The following CUEDC1 variants were observed in gnomAD, a reference collection of about 807,000 sequenced individuals.
CUEDC1 encodes CUE domain containing 1.
In CUEDC1, 30 loss-of-function variants were observed where a neutral mutation model predicts 43.7. That is an observed-to-expected ratio of 0.69 (90% CI 0.51 to 0.93). CUEDC1 has a LOEUF of 0.93. CUEDC1 is among the 40% of genes least tolerant of loss of function. The pLI is 0.00. For missense variants in CUEDC1, 486 were observed against 549.0 expected (o/e 0.89, Z 1.15); for synonymous variants, 223 against 223.6 (o/e 1.00, Z 0.02).
intron 9 of CUEDC1, chr17:57,866,762 A>G (rs1174160736): frequency 1.8e-6 from 1 of 555,550 alleles, no homozygotes; most frequent in East Asian, 3.0e-5. Flanking sequence ...GAGACCTTGG[A>G]CAAGTTCTCC....
chr17:57,940,016 G>C (rs931634020), intron 1 of CUEDC1, among the ~76,000 whole-genome samples: 1 of 151,676 alleles, frequency 6.6e-6, no homozygotes, highest in Non-Finnish European at 1.5e-5. Flanking sequence ...CAAATAGCTC[G>C]AGCTGGTTTC....
At chr17:57,939,157 G>A (rs1288914597) in intron 1 of CUEDC1, among the ~76,000 whole-genome samples, 3 of 151,738 alleles carry the variant, frequency 2.0e-5, no homozygotes, top group African/African-American at 7.3e-5. Flanking sequence ...AGTAGAGACG[G>A]GCTTTCACCT....
intron 2 of CUEDC1, among the ~76,000 whole-genome samples, chr17:57,881,173 C>T (rs2074199362): frequency 6.6e-6 from 1 of 151,920 alleles, no homozygotes; most frequent in Admixed American, 6.5e-5. Flanking sequence ...CATGTGAGCA[C>T]ACATACACAC....
chr17:57,915,922 G>A (rs540881034), intron 1 of CUEDC1, among the ~76,000 whole-genome samples: 21 of 152,306 alleles, frequency 1.4e-4, no homozygotes, highest in Admixed American at 7.8e-4. Context: ...CAACTCACCC[G>A]TTTGAATCAA....
intron 1 of CUEDC1, among the ~76,000 whole-genome samples, chr17:57,922,088 G>C (rs940367993): frequency 7.2e-5 from 11 of 152,138 alleles, no homozygotes; most frequent in Non-Finnish European, 1.3e-4. Context: ...ACTCCAGCCT[G>C]GGCAATAGAG....
intron 5 of CUEDC1, 84 bp downstream of exon 5, chr17:57,872,579 T>C: frequency 6.8e-7 from 1 of 1,478,884 alleles, no homozygotes; most frequent in Admixed American, 2.0e-5. Flanking sequence ...AGCCCCCAGC[T>C]CAGTGTTTTC....
Position 57,869,156 on chromosome 17 carries a change from G to C in CUEDC1, c.906C>G (p.Ala302=). ...TGTGTTTCAGCTTGTCCCTGAATAA[G>C]GCATCTTCAGACACAGCGGGGTTGG... The part of the protein sequence containing the change: ...GDANPAVSED[A]LFRDKLKHMG... The change falls in exon 7 of 11, where the codon GCC becomes GCG. Residue 302 remains alanine (A), a synonymous_variant. Coordinates refer to ENST00000577830, the MANE Select transcript of CUEDC1 (RefSeq NM_001271875.2). The C allele has an allele frequency of 6.2e-7, 1 of 1,614,134 alleles. No homozygotes were observed. The highest frequency in any genetic ancestry group is 2.2e-5 in the East Asian group (1 of 44,880).
intron 1 of CUEDC1, among the ~76,000 whole-genome samples, chr17:57,931,357 CCATT>C (rs1323066034): frequency 1.3e-5 from 2 of 152,136 alleles, no homozygotes; most frequent in Non-Finnish European, 1.5e-5. Context: ...CCCAGATCTC[CCATT>C]CATTCCGGGC....
chr17:57,887,493 T>TA (rs947299165), intron 1 of CUEDC1, among the ~76,000 whole-genome samples: 2 of 129,974 alleles, frequency 1.5e-5, no homozygotes, highest in African/African-American at 2.8e-5. Flanking sequence ...TAACAGCTGA[T>TA]ACAGAAATTT....
At position 57,879,658 on chromosome 17, in the gene CUEDC1, G is replaced by C. The variant is rs144238101; in HGVS notation, c.417C>G (p.His139Gln). ...PVYSPPAYHMHVFDRPYPLAP... is the reference protein window; with the variant it reads ...PVYSPPAYHMQVFDRPYPLAP... The stretch of plus-strand genomic sequence containing the variant: ...CCAGAGGGTAGGGCCGGTCGAACAC[G>C]TGCATGTGGTAGGCTGGCGGGGAGT... Residue 139 changes from histidine to glutamine, a missense_variant, in exon 3 of 11, where the codon CAC (histidine) becomes CAG (glutamine). Transcript: ENST00000577830. 1.9e-6 allele frequency: 3 copies of C among 1,604,532 alleles called. No homozygotes were observed. The highest frequency in any genetic ancestry group is 4.6e-5 in the East Asian group (2 of 43,758).
chr17:57,885,133 T>G, intron 2 of CUEDC1, 96 bp downstream of exon 2: 2 of 1,470,148 alleles, frequency 1.4e-6, no homozygotes, highest in Non-Finnish European at 1.8e-6. Context: ...CTCTTAGAGG[T>G]TCCAGTGGTG....
chr17:57,938,372 C>T (rs1229109275), intron 1 of CUEDC1, among the ~76,000 whole-genome samples: 1 of 152,184 alleles, frequency 6.6e-6, no homozygotes, highest in Non-Finnish European at 1.5e-5. Flanking sequence ...CTGACTACTC[C>T]CTCCCATCCC....
At chr17:57,944,173 A>G (rs1449017452) in intron 1 of CUEDC1, among the ~76,000 whole-genome samples, 4 of 150,512 alleles carry the variant, frequency 2.7e-5, no homozygotes, top group Admixed American at 1.3e-4. Context: ...CATGCAATAA[A>G]TGTTAGTTAT....
At chr17:57,878,414 G>T (rs575334853) in intron 3 of CUEDC1, among the ~76,000 whole-genome samples, 146 of 152,256 alleles carry the variant, frequency 9.6e-4, no homozygotes, top group African/African-American at 3.3e-3. Flanking sequence ...TATGATAACA[G>T]AGTTCACCAC....
chr17:57,946,072 A>C (rs1186535349), intron 1 of CUEDC1, among the ~76,000 whole-genome samples: 1 of 152,112 alleles, frequency 6.6e-6, no homozygotes, highest in Non-Finnish European at 1.5e-5. Context: ...GGAAACTAAG[A>C]CTCAGAGAGA....
chr17:57,927,522 A>G (rs2074760358), intron 1 of CUEDC1, among the ~76,000 whole-genome samples: 1 of 152,206 alleles, frequency 6.6e-6, no homozygotes, highest in Non-Finnish European at 1.5e-5. Context: ...CTCCCAAGGC[A>G]GGGCTCTCCA....
In CUEDC1 at chr17:57,875,569, G is replaced by A. The variant is rs182395140; in HGVS notation, c.465-1852C>T. ...CGGAAAGGAATGTCAGAAATGAGCTGAGACGCAAATAAAAAAAAAAACTTC... is the reference window on the plus strand; with the variant it reads ...CGGAAAGGAATGTCAGAAATGAGCTAAGACGCAAATAAAAAAAAAAACTTC... On this transcript the variant is annotated intron_variant, in intron 3 of 10. Coordinates refer to ENST00000577830, the MANE Select transcript of CUEDC1 (RefSeq NM_001271875.2). Among the ~76,000 whole-genome samples the A allele has an allele frequency of 1.3e-4, 20 of 152,092 alleles. No individual in the cohort carries two copies. The East Asian group carries it at 3.5e-3, about 26-fold the overall frequency.
chr17:57,875,754 T>G (rs896138921), intron 3 of CUEDC1, among the ~76,000 whole-genome samples: 3 of 152,166 alleles, frequency 2.0e-5, no homozygotes, highest in East Asian at 1.9e-4. Flanking sequence ...CCTCTGCCTC[T>G]GGACCCCAAA....
intron 5 of CUEDC1, among the ~76,000 whole-genome samples, chr17:57,871,689 T>A (rs2074036767): frequency 6.6e-6 from 1 of 152,162 alleles, no homozygotes; most frequent in Non-Finnish European, 1.5e-5. Context: ...ACTGGAAGGC[T>A]AAGGCAGGCA....
Sources: gnomAD v4.1 joint callset for allele counts (sites outside exome capture counted in the v4.1 genomes callset) on GRCh38, gnomAD v4.1.1 for gene constraint, MANE v1.5 for transcripts, NCBI Gene and HGNC (gene_info 2026-07-23, HGNC 2026-07-21) for gene names.